PLAAT1: variants seen among roughly 807,000 people sequenced by gnomAD.
PLAAT1 encodes the protein phospholipase A and acyltransferase 1, also known as H-REV107 protein-related protein.
PLAAT1 carries 13 observed loss-of-function variants against 16.4 expected under a neutral mutation model. The observed-to-expected ratio is 0.79, with a 90% CI of 0.52 to 1.26. PLAAT1 has a LOEUF of 1.26. PLAAT1 is among the 50% of genes most tolerant of loss of function. The probability of loss-of-function intolerance (pLI) is 0.00; values close to 1 mark genes in which losing one functional copy is unlikely to be tolerated. For synonymous variants in PLAAT1, 73 were observed against 78.4 expected (o/e 0.93, Z 0.36); for missense variants, 218 against 207.8 (o/e 1.05, Z -0.30).
At chr3:193,257,636 G>A (rs1238152113) in intron 2 of PLAAT1, among the ~76,000 whole-genome samples, 1 of 152,146 alleles carries the variant, frequency 6.6e-6, no homozygotes, top group Non-Finnish European at 1.5e-5. Flanking sequence ...AATATCTAGT[G>A]TCAACATGAT....
Position 193,241,344 on chromosome 3 carries a change from G to T in PLAAT1, c.-190G>T, listed in dbSNP as rs565532333. 3.2e-6 allele frequency: 4 copies of T among 1,231,512 alleles called. No individual in the cohort carries two copies. The Admixed American group carries it at 1.3e-4, about 39-fold the overall frequency. The allele number at this position is 1,231,512 out of a possible 1,614,324, so 76.3% of individuals were successfully genotyped here. On this transcript the variant is annotated 5_prime_UTR_variant, in exon 1 of 4. Coordinates refer to ENST00000264735, the MANE Select transcript of PLAAT1 (RefSeq NM_020386.5). The stretch of plus-strand genomic sequence containing the variant: ...GGACCGTTTCAGCGTGGCGGCGCTG[G>T]TGCTGGCGTTGGCCCTGGAGGACGG...
chr3:193,245,644 GCATTCC>G (rs1715954092), intron 1 of PLAAT1, among the ~76,000 whole-genome samples: 1 of 152,126 alleles, frequency 6.6e-6, no homozygotes, highest in East Asian at 1.9e-4. Context: ...AAACCAATTT[GCATTCC>G]CACCAACGAT....
At chr3:193,242,351 G>A (rs1715798679) in intron 1 of PLAAT1, among the ~76,000 whole-genome samples, 1 of 152,132 alleles carries the variant, frequency 6.6e-6, no homozygotes, top group South Asian at 2.1e-4. Context: ...GCCTGTGGAA[G>A]CTAAAGAAGG....
rs879650593 is a variant in PLAAT1, at chr3:193,261,364, T to TA, written c.140-1593dup. On this transcript the variant is annotated intron_variant, in intron 2 of 3. Coordinates refer to ENST00000264735, the MANE Select transcript of PLAAT1 (RefSeq NM_020386.5). The stretch of plus-strand genomic sequence containing the variant: ...GCCTGGGCAACAAAGCAAGACTCCA[T>TA]AAAAAAAAAAAAAGTGTATGCAGAT... 4.8e-3 allele frequency among the ~76,000 whole-genome samples: 644 copies of TA among 134,662 alleles called. 1 individual carries two copies. Among genetic ancestry groups the TA allele is most frequent in the Middle Eastern group, 7.3e-3 (2 of 274 alleles). 88.3% of individuals were successfully genotyped at this position (134,662 alleles called of 152,430 possible). A position where few individuals can be genotyped will look rare whatever the true frequency, so the allele number is the denominator to read the frequency against.
intron 3 of PLAAT1, among the ~76,000 whole-genome samples, chr3:193,267,679 G>C (rs1171798148): frequency 1.3e-5 from 2 of 152,152 alleles, no homozygotes; most frequent in Non-Finnish European, 2.9e-5. Flanking sequence ...ACCTCCATGT[G>C]CAGGTTTTTA....
chr3:193,280,545 G>A (rs1245979970), downstream of PLAAT1, among the ~76,000 whole-genome samples: 20 of 152,088 alleles, frequency 1.3e-4, no homozygotes, highest in Admixed American at 1.3e-3. Context: ...AAGTAAATGA[G>A]AAATTAGCAT....
chr3:193,252,171 G>A (rs1353071938), intron 1 of PLAAT1, among the ~76,000 whole-genome samples: 2 of 151,990 alleles, frequency 1.3e-5, no homozygotes, highest in South Asian at 2.1e-4. Flanking sequence ...AGGTGTACTC[G>A]ATGAGAATGG....
intron 3 of PLAAT1, among the ~76,000 whole-genome samples, chr3:193,268,098 T>G (rs1039731262): frequency 2.0e-5 from 3 of 152,250 alleles, no homozygotes; most frequent in African/African-American, 7.2e-5. Flanking sequence ...TTATCAGATT[T>G]GTCTTTTACA....
rs142326453 is a variant in PLAAT1 at position 193,256,076 on chromosome 3, A to G, written c.139+287A>G. Reference sequence around the variant, plus strand: ...ATTTGCCACAAACATGGCAAGGTTCAGTGTCTTTATGTTTCACACAAATAG... The same window carrying G: ...ATTTGCCACAAACATGGCAAGGTTCGGTGTCTTTATGTTTCACACAAATAG... On this transcript the variant is annotated intron_variant, in intron 2 of 3. Coordinates refer to ENST00000264735, the MANE Select transcript of PLAAT1 (RefSeq NM_020386.5). 5.3e-5 allele frequency among the ~76,000 whole-genome samples: 8 copies of G among 152,318 alleles called. 1 individual carries two copies. In the Middle Eastern group the frequency reaches 0.014, roughly 259 times the overall value.
chr3:193,240,825 C>T (rs1715691784), upstream of PLAAT1, among the ~76,000 whole-genome samples: 2 of 152,008 alleles, frequency 1.3e-5, no homozygotes, highest in South Asian at 4.2e-4. Context: ...GGTGCAGGTA[C>T]CATGATTCCT....
rs545628573 is a variant in PLAAT1 at position 193,269,308 on chromosome 3, C to G, written c.406-1296C>G. The stretch of plus-strand genomic sequence containing the variant: ...TCAGGGTTAGTGCCAAGTTGTTTGC[C>G]CTTACCATTCTCCCTGGCATCTGGG... On this transcript the variant is annotated intron_variant, in intron 3 of 3. Coordinates refer to ENST00000264735, the MANE Select transcript of PLAAT1 (RefSeq NM_020386.5). Among the ~76,000 whole-genome samples, 148 of 152,232 alleles carry G rather than the reference C, an allele frequency of 9.7e-4. 3 individuals carry two copies. The highest frequency in any genetic ancestry group is 6.8e-3 in the Middle Eastern group (2 of 294).
At chr3:193,241,154 G>C (rs914302207), upstream of PLAAT1, 11 of 1,162,200 alleles carry the variant, frequency 9.5e-6, no homozygotes, top group South Asian at 2.6e-4. Flanking sequence ...AGCTGGGCTC[G>C]GGGCCAAGCG....
upstream of PLAAT1, chr3:193,241,138 G>T: frequency 3.6e-6 from 4 of 1,096,170 alleles, no homozygotes; most frequent in Non-Finnish European, 4.6e-6. Flanking sequence ...GCGGGCGGGC[G>T]GGCGAAGCTG....
intron 1 of PLAAT1, among the ~76,000 whole-genome samples, chr3:193,242,894 T>C (rs1440576452): frequency 2.6e-5 from 4 of 152,204 alleles, no homozygotes; most frequent in South Asian, 2.1e-4. Flanking sequence ...TCACCTGCGA[T>C]TGTGTTTCAG....
At chr3:193,274,348 C>T (rs1426846631), downstream of PLAAT1, among the ~76,000 whole-genome samples, 3 of 152,186 alleles carry the variant, frequency 2.0e-5, no homozygotes, top group Non-Finnish European at 4.4e-5. Context: ...CCTTTGTGAT[C>T]TACTCTAAAC....
At chr3:193,268,966 AC>A (rs984254934) in intron 3 of PLAAT1, among the ~76,000 whole-genome samples, 1 of 150,932 alleles carries the variant, frequency 6.6e-6, no homozygotes, top group South Asian at 2.1e-4. Flanking sequence ...CACTGATTGC[AC>A]CTTCATTTTT....
chr3:193,274,104 C>T (rs1008394829), downstream of PLAAT1, among the ~76,000 whole-genome samples: 1 of 152,086 alleles, frequency 6.6e-6, no homozygotes, highest in Middle Eastern at 3.4e-3. Context: ...ATTATCTGGG[C>T]ATGGTAGCGG....
intron 1 of PLAAT1, among the ~76,000 whole-genome samples, chr3:193,247,279 A>G (rs1333574191): frequency 1.3e-5 from 2 of 152,296 alleles, no homozygotes; most frequent in African/African-American, 2.4e-5. Flanking sequence ...TACACCAGAT[A>G]TTTTGTGCAG....
At position 193,241,281 on chromosome 3, in the gene PLAAT1, C is replaced by CG. The variant is rs1293905837; in HGVS notation, c.-251dup. The CG allele has an allele frequency of 4.1e-6, 5 of 1,230,082 alleles. No homozygotes were observed. The African/African-American group carries it at 7.8e-5, about 19-fold the overall frequency. 76.2% of individuals were successfully genotyped at this position (1,230,082 alleles called of 1,614,324 possible). On this transcript the variant is annotated 5_prime_UTR_variant, in exon 1 of 4. Coordinates refer to ENST00000264735, the MANE Select transcript of PLAAT1 (RefSeq NM_020386.5). ...CGCCGAGCCCAGCGCGTCGGCCCCC[C>CG]GGCGTGCGGGCGTCTCAGAGCCGCG...
Sources: gnomAD v4.1 joint callset for allele counts (sites outside exome capture counted in the v4.1 genomes callset) on GRCh38, gnomAD v4.1.1 for gene constraint, MANE v1.5 for transcripts, NCBI Gene and HGNC (gene_info 2026-07-23, HGNC 2026-07-21) for gene names.